Variants in SLU7 observed in about 807,000 individuals in gnomAD.
The protein encoded by SLU7 is spliceosome associated SLU7.
Under a neutral mutation model 87.0 loss-of-function variants are expected in SLU7, and 60 were observed. The ratio of observed to expected loss-of-function variants is 0.69; its 90% CI spans 0.56 to 0.86. SLU7 has a LOEUF of 0.86. Ranked by LOEUF, SLU7 falls within the 40% of genes least tolerant of loss-of-function variation. The pLI is 0.00. For missense variants in SLU7, 507 were observed against 686.6 expected, an observed-to-expected ratio of 0.74 and a Z score of 2.92; for synonymous variants, 197 against 222.0, an observed-to-expected ratio of 0.89 and a Z score of 1.00.
intron 5 of SLU7, 108 bp downstream of exon 5, chr5:160,413,348 A>G: frequency 1.0e-6 from 1 of 961,286 alleles, no homozygotes; most frequent in Non-Finnish European, 1.6e-6. Context: ...CTATTATAAA[A>G]ATGCTACCAT....
intron 6 of SLU7, 126 bp from the exon 7 acceptor site, chr5:160,408,823 T>TAATA: frequency 5.8e-6 from 1 of 171,710 alleles, no homozygotes. Flanking sequence ...AAAATATATT[T>TAATA]TATTATATAT....
At chr5:160,418,107 A>G (rs1316743941) in intron 1 of SLU7, among the ~76,000 whole-genome samples, 1 of 152,234 alleles carries the variant, frequency 6.6e-6, no homozygotes, top group Non-Finnish European at 1.5e-5. Flanking sequence ...TGACCTATAG[A>G]AAACCTCCAC....
At chr5:160,416,513 A>G (rs1340524383) in intron 1 of SLU7, among the ~76,000 whole-genome samples, 4 of 152,220 alleles carry the variant, frequency 2.6e-5, no homozygotes, top group Non-Finnish European at 5.9e-5. Flanking sequence ...ATACGTCTTA[A>G]TTCAATCTCA....
At chr5:160,405,513 T>C (rs896258794) in intron 12 of SLU7, among the ~76,000 whole-genome samples, 1 of 152,220 alleles carries the variant, frequency 6.6e-6, no homozygotes, top group Non-Finnish European at 1.5e-5. Flanking sequence ...CCTGGCTCAC[T>C]TCACTCATGT....
At chr5:160,404,405 C>T in intron 15 of SLU7, 35 bp downstream of exon 15, 2 of 1,270,976 alleles carry the variant, frequency 1.6e-6, no homozygotes, top group Non-Finnish European at 2.3e-6. Flanking sequence ...AATACTGCTA[C>T]TTGTCACTTT....
At chr5:160,406,180 T>G (rs933253125) in intron 12 of SLU7, among the ~76,000 whole-genome samples, 14 of 152,200 alleles carry the variant, frequency 9.2e-5, no homozygotes, top group Admixed American at 8.5e-4. Flanking sequence ...TGTATATATG[T>G]GTATTTTACA....
chr5:160,417,401 ACT>A (rs1276251724), intron 1 of SLU7, among the ~76,000 whole-genome samples: 2 of 152,148 alleles, frequency 1.3e-5, no homozygotes, highest in African/African-American at 2.4e-5. Flanking sequence ...AAAAAAAACA[ACT>A]CTGTCTTTAA....
chr5:160,410,448 T>C (rs954006253), intron 6 of SLU7, among the ~76,000 whole-genome samples: 11 of 152,080 alleles, frequency 7.2e-5, no homozygotes, highest in African/African-American at 2.4e-4. Flanking sequence ...GAGATAGCAT[T>C]AGGAGATATA....
chr5:160,413,704 T>G (rs1765335086), intron 4 of SLU7, 84 bp from the exon 5 acceptor site: 3 of 1,240,220 alleles, frequency 2.4e-6, no homozygotes, highest in Non-Finnish European at 3.4e-6. Context: ...GAGTGGGCAC[T>G]TTACGATCTA....
In SLU7 at chr5:160,404,483, G is replaced by A. The variant is rs2113097024; in HGVS notation, c.1538C>T (p.Ser513Leu). The A allele has an allele frequency of 6.2e-7, 1 of 1,611,306 alleles. No individual in the cohort carries two copies. The highest frequency in any genetic ancestry group is 1.1e-5 in the South Asian group (1 of 90,946). The change falls in exon 15 of 16, where the codon TCA becomes TTA. Residue 513 changes from serine (S) to leucine (L), a missense_variant. Coordinates refer to ENST00000297151, the MANE Select transcript of SLU7 (RefSeq NM_006425.5). ...KKKKKHRKSS[S>L]DSDDEEKKHE... ...CTTCTTTTCTTCATCATCACTATCT[G>A]AACTGCTCTTTCGATGCTTCTTCTT...
rs1251109062 is a variant in SLU7, at chr5:160,403,360, A to C, written c.1686T>G (p.Thr562=). The C allele has an allele frequency of 1.9e-6, 3 of 1,613,508 alleles. No homozygotes were observed. Among genetic ancestry groups the C allele is most frequent in the African/African-American group, 1.3e-5 (1 of 74,868 alleles). ...TTCTATATGCCTCCATTTCCTCTTC[A>C]GTAGGTTCTCGAGTTTCATACATGC... is the stretch of plus-strand genomic sequence containing the variant. ...YNSMYETREP[T]EEEMEAYRMK... is the part of the protein sequence containing the mutation. Residue 562 remains threonine, a synonymous_variant, in exon 16 of 16, where the codon ACT becomes ACG. Coordinates refer to ENST00000297151, the MANE Select transcript of SLU7 (RefSeq NM_006425.5).
Position 160,402,625 on chromosome 5 carries a change from C to T in SLU7, c.*660G>A, listed in dbSNP as rs1458846239. 2 of 151,974 alleles carry T rather than the reference C, an allele frequency of 1.3e-5. No individual in the cohort carries two copies. Among genetic ancestry groups the T allele is most frequent in the Non-Finnish European group, 2.9e-5 (2 of 67,994 alleles). The allele number at this position is 151,974 out of a possible 1,614,324, so 9.4% of individuals were successfully genotyped here. On this transcript the variant is annotated 3_prime_UTR_variant, in exon 16 of 16. Transcript: ENST00000297151. ...GGTGTGCTAATACTAAATATAGGGC[C>T]ACAAAAATCGAAGCAATAAAGTTTG...
In SLU7 at chr5:160,408,522, TC is replaced by T. The variant is rs1765099664; in HGVS notation, c.688-63del. On this transcript the variant is annotated intron_variant, in intron 7 of 15. Transcript: ENST00000297151. ...GAAAGCAGCATGTAGTTCTTTTTTTTCCCCTTTCCCTTTAACCAAACCCTTA... is the reference window on the plus strand; with the variant it reads ...GAAAGCAGCATGTAGTTCTTTTTTTTCCCTTTCCCTTTAACCAAACCCTTA... The T allele has an allele frequency of 3.3e-6, 5 of 1,532,214 alleles. No individual in the cohort carries two copies. The South Asian group carries it at 6.1e-5, about 19-fold the overall frequency. The allele number at this position is 1,532,214 out of a possible 1,614,324, so 94.9% of individuals were successfully genotyped here.
In SLU7 at chr5:160,414,480, T is replaced by TA; in HGVS notation, c.171-9dup. On this transcript the variant is annotated splice_polypyrimidine_tract_variant and intron_variant, in intron 2 of 15. Coordinates refer to ENST00000297151, the MANE Select transcript of SLU7 (RefSeq NM_006425.5). ...ATATGGGGGTTGATGTCTCTGTAAT[T>TA]AAAGTAAAAAAAAAAAAAATTTAAG... 2.0e-6 allele frequency: 3 copies of TA among 1,508,110 alleles called. No individual in the cohort carries two copies. Among genetic ancestry groups the TA allele is most frequent in the South Asian group, 2.7e-5 (2 of 75,218 alleles). 93.4% of individuals were successfully genotyped at this position (1,508,110 alleles called of 1,614,324 possible).
chr5:160,415,004 TA>T, intron 2 of SLU7, 120 bp downstream of exon 2: 3 of 856,982 alleles, frequency 3.5e-6, no homozygotes, highest in East Asian at 2.7e-5. Flanking sequence ...TTTGATAAAA[TA>T]AAAAACAAAA....
Position 160,406,349 on chromosome 5 carries a change from T to A in SLU7, c.1287+119A>T, listed in dbSNP as rs868842713. On this transcript the variant is annotated intron_variant, in intron 12 of 15. Coordinates refer to ENST00000297151, the MANE Select transcript of SLU7 (RefSeq NM_006425.5). The stretch of plus-strand genomic sequence containing the variant: ...AAAAAATTCCATGAAACAGTTAAAA[T>A]TTTTTTTTTTTTTTAAAGCATAGAG... 1.3e-3 allele frequency: 345 copies of A among 256,212 alleles called. 1 individual carries two copies. In the Middle Eastern group the frequency reaches 0.023, roughly 17 times the overall value. The allele number at this position is 256,212 out of a possible 1,614,324, so 15.9% of individuals were successfully genotyped here. A position where few individuals can be genotyped will look rare whatever the true frequency, so the allele number is the denominator to read the frequency against.
rs904823748 is a variant in SLU7, at chr5:160,413,503, G to C, written c.523C>G (p.Pro175Ala). 6.2e-7 allele frequency: 1 copy of C among 1,613,938 alleles called. No individual in the cohort carries two copies. The highest frequency in any genetic ancestry group is 1.7e-5 in the Admixed American group (1 of 60,012). ...GKRDRWNGYN[P>A]EEHMKIVEEY... ...TCAACAATTTTCATGTGTTCTTCTG[G>C]ATTGTAGCCATTCCACCGATCCCTC... The change falls in exon 5 of 16, where the codon CCA (proline) becomes GCA (alanine). Residue 175 changes from proline (P) to alanine (A), a missense_variant. Coordinates refer to ENST00000297151, the MANE Select transcript of SLU7 (RefSeq NM_006425.5).
intron 5 of SLU7, among the ~76,000 whole-genome samples, chr5:160,413,106 A>C (rs569459027): frequency 1.3e-5 from 2 of 152,300 alleles, no homozygotes; most frequent in African/African-American, 4.8e-5. Context: ...GCAACTATAA[A>C]ATAGGTTCAT....
At chr5:160,408,512 T>C (rs543521351) in intron 7 of SLU7, 52 bp from the exon 8 acceptor site, 2 of 1,558,646 alleles carry the variant, frequency 1.3e-6, no homozygotes, top group South Asian at 2.4e-5. Flanking sequence ...CAGCATGTAG[T>C]TCTTTTTTTT....
Sources: allele counts gnomAD v4.1 joint callset (sites outside exome capture counted in the v4.1 genomes callset), GRCh38; gene constraint gnomAD v4.1.1; transcripts MANE v1.5; gene names NCBI Gene and HGNC (gene_info 2026-07-23, HGNC 2026-07-21).